DPYSL5: variants seen among roughly 807,000 people sequenced by gnomAD.
The protein encoded by DPYSL5 is dihydropyrimidinase like 5, also known as dihydropyrimidinase-related protein 5.
In DPYSL5, 9 loss-of-function variants were observed where a neutral mutation model predicts 58.4. The observed-to-expected ratio is 0.15, with a 90% CI of 0.09 to 0.27. DPYSL5 has a LOEUF of 0.27. Among genes scored for constraint, DPYSL5 ranks in the 10% least tolerant of loss-of-function variants. The probability of loss-of-function intolerance (pLI) is 1.00; values close to 1 mark genes in which losing one functional copy is unlikely to be tolerated. For synonymous variants in DPYSL5, 293 were observed against 301.9 expected (o/e 0.97, Z 0.31); for missense variants, 499 against 770.6 (o/e 0.65, Z 4.17).
At chr2:26,861,679 G>A (rs1666020988) in intron 1 of DPYSL5, among the ~76,000 whole-genome samples, 2 of 152,098 alleles carry the variant, frequency 1.3e-5, no homozygotes, top group Admixed American at 1.3e-4. Context: ...ATTTTGCCTT[G>A]TGTTTCAATT....
rs1001833291 is a variant in DPYSL5 at position 26,905,705 on chromosome 2, C to T, written c.261+6945C>T. Among the ~76,000 whole-genome samples, 1 of 152,308 alleles carries T rather than the reference C, an allele frequency of 6.6e-6. No individual in the cohort carries two copies. Among genetic ancestry groups the T allele is most frequent in the Non-Finnish European group, 1.5e-5 (1 of 68,026 alleles). Reference sequence around the variant, plus strand: ...TGTGAAGGCTTCATGAAGTGACTTCCCCTCCCCTGCCACCTGGAGGACATC... The same window carrying T: ...TGTGAAGGCTTCATGAAGTGACTTCTCCTCCCCTGCCACCTGGAGGACATC... On this transcript the variant is annotated intron_variant, in intron 2 of 12. Coordinates refer to ENST00000288699, the MANE Select transcript of DPYSL5 (RefSeq NM_020134.4). The surrounding 1 kb of genome is among the most constrained non-coding windows in gnomAD (Gnocchi z 4.0).
Position 26,905,466 on chromosome 2 carries a change from G to T in DPYSL5, c.261+6706G>T, listed in dbSNP as rs1043508187. Reference sequence around the variant, plus strand: ...CAATGAAATTGCTCCACTGTGCACCGAGTGCCCATGCTACCTGTGTCCCTG... The same window carrying T: ...CAATGAAATTGCTCCACTGTGCACCTAGTGCCCATGCTACCTGTGTCCCTG... On this transcript the variant is annotated intron_variant, in intron 2 of 12. Coordinates refer to ENST00000288699, the MANE Select transcript of DPYSL5 (RefSeq NM_020134.4). The surrounding 1 kb of genome is among the most constrained non-coding windows in gnomAD (Gnocchi z 4.0). 6.6e-6 allele frequency among the ~76,000 whole-genome samples: 1 copy of T among 152,132 alleles called. No homozygotes were observed. The highest frequency in any genetic ancestry group is 1.5e-5 in the Non-Finnish European group (1 of 68,024).
intron 1 of DPYSL5, among the ~76,000 whole-genome samples, chr2:26,891,073 G>C (rs911197215): frequency 6.6e-6 from 1 of 152,140 alleles, no homozygotes; most frequent in African/African-American, 2.4e-5. Flanking sequence ...GAACTGTCTG[G>C]CTTTCAATCT....
chr2:26,899,435 C>T (rs1301155675), intron 2 of DPYSL5, among the ~76,000 whole-genome samples: 2 of 152,182 alleles, frequency 1.3e-5, no homozygotes, highest in Admixed American at 6.5e-5. Context: ...GCTCCAACAC[C>T]TCTGTCATTG....
chr2:26,918,332 T>A (rs1255656148), intron 2 of DPYSL5, among the ~76,000 whole-genome samples: 1 of 152,110 alleles, frequency 6.6e-6, no homozygotes, highest in African/African-American at 2.4e-5. Context: ...CTTGATGAAA[T>A]GCTTGGACCC....
At chr2:26,864,225 A>T (rs1213912588) in intron 1 of DPYSL5, among the ~76,000 whole-genome samples, 3 of 152,248 alleles carry the variant, frequency 2.0e-5, no homozygotes, top group African/African-American at 7.2e-5. Context: ...AGCCTGGGCA[A>T]TGAATCCAGA....
At chr2:26,872,273 A>C (rs2148117908) in intron 1 of DPYSL5, among the ~76,000 whole-genome samples, 1 of 152,364 alleles carries the variant, frequency 6.6e-6, no homozygotes, top group South Asian at 2.1e-4. Flanking sequence ...TACCACTGCC[A>C]GCTAAAGGAT....
chr2:26,891,121 G>A (rs1041098590), intron 1 of DPYSL5, among the ~76,000 whole-genome samples: 6 of 152,106 alleles, frequency 3.9e-5, no homozygotes, highest in East Asian at 1.9e-4. Flanking sequence ...CCTTAAGGAC[G>A]TTCTTTTAAC....
intron 1 of DPYSL5, among the ~76,000 whole-genome samples, chr2:26,879,088 C>CA (rs1179639526): frequency 6.6e-6 from 1 of 152,194 alleles, no homozygotes; most frequent in African/African-American, 2.4e-5. Context: ...GCACCCAGTA[C>CA]AGTAACCCTG....
chr2:26,930,847 G>A lies in DPYSL5; in HGVS notation c.670-793G>A, dbSNP rs1287452900. 3.3e-5 allele frequency among the ~76,000 whole-genome samples: 5 copies of A among 151,892 alleles called. No homozygotes were observed. The South Asian group carries it at 8.3e-4, about 25-fold the overall frequency. Reference sequence around the variant, plus strand: ...AAATTAGTCGGGCATGGTGGTGGGCGCCTGTAGTCCCAGCTACGCGGGAGG... The same window carrying A: ...AAATTAGTCGGGCATGGTGGTGGGCACCTGTAGTCCCAGCTACGCGGGAGG... On this transcript the variant is annotated intron_variant, in intron 5 of 12. Coordinates refer to ENST00000288699, the MANE Select transcript of DPYSL5 (RefSeq NM_020134.4).
chr2:26,943,975 G>A (rs1665394061), intron 11 of DPYSL5, among the ~76,000 whole-genome samples: 1 of 152,088 alleles, frequency 6.6e-6, no homozygotes, highest in Non-Finnish European at 1.5e-5. Flanking sequence ...ATAACGTTGC[G>A]CTGTGTGGGA....
In DPYSL5 at chr2:26,898,216, A is replaced by C. The variant is rs761618767; in HGVS notation, c.-4-280A>C. ...TGAGAGATAGAAAATGAGATAGTAG[A>C]TGTGAAAGTGCTTTGGAGCTCACAT... On this transcript the variant is annotated intron_variant, in intron 1 of 12. Coordinates refer to ENST00000288699, the MANE Select transcript of DPYSL5 (RefSeq NM_020134.4). This position sits in a 1 kb window ranked among gnomAD's most constrained non-coding sequence, Gnocchi z 6.1. Among the ~76,000 whole-genome samples, 45 of 152,092 alleles carry C rather than the reference A, an allele frequency of 3.0e-4. No individual in the cohort carries two copies. Among genetic ancestry groups the C allele is most frequent in the Non-Finnish European group, 4.7e-4 (32 of 68,016 alleles).
At chr2:26,908,024 G>A (rs756679153) in intron 2 of DPYSL5, among the ~76,000 whole-genome samples, 19 of 152,190 alleles carry the variant, frequency 1.2e-4, no homozygotes, top group Non-Finnish European at 1.9e-4. Flanking sequence ...GCTATGTCAT[G>A]TGGGCAAGTT....
intron 2 of DPYSL5, among the ~76,000 whole-genome samples, chr2:26,906,309 G>GAGT (rs540729976): frequency 6.5e-4 from 99 of 151,470 alleles, no homozygotes; most frequent in African/African-American, 2.4e-3. Flanking sequence ...TCAGCCTCCT[G>GAGT]AGTAGCTGGG....
chr2:26,940,500 CT>C lies in DPYSL5; in HGVS notation c.1089+344del, dbSNP rs61122277. Among the ~76,000 whole-genome samples, 506 of 136,242 alleles carry C rather than the reference CT, an allele frequency of 3.7e-3. 2 individuals carry two copies. The highest frequency in any genetic ancestry group is 9.5e-3 in the African/African-American group (356 of 37,302). 89.4% of individuals were successfully genotyped at this position (136,242 alleles called of 152,430 possible). A position where few individuals can be genotyped will look rare whatever the true frequency, so the allele number is the denominator to read the frequency against. On this transcript the variant is annotated intron_variant, in intron 9 of 12. Transcript: ENST00000288699. The stretch of plus-strand genomic sequence containing the variant: ...CATTTAGTTCTGTGCATGTACTGTA[CT>C]TTTTTTTTTTTTTTTCCTTTTTTAC...
intron 2 of DPYSL5, among the ~76,000 whole-genome samples, chr2:26,906,487 A>T: frequency 6.6e-6 from 1 of 152,112 alleles, no homozygotes; most frequent in East Asian, 1.9e-4. Flanking sequence ...TGGCCAACCC[A>T]TACCTTTATG....
chr2:26,900,883 C>T (rs191285095), intron 2 of DPYSL5, among the ~76,000 whole-genome samples: 24 of 152,228 alleles, frequency 1.6e-4, no homozygotes, highest in South Asian at 6.2e-4. Flanking sequence ...ACCAGCCTCG[C>T]GGTGGGCAGA....
intron 12 of DPYSL5, among the ~76,000 whole-genome samples, chr2:26,945,130 C>T (rs951225897): frequency 6.6e-6 from 1 of 151,970 alleles, no homozygotes; most frequent in African/African-American, 2.4e-5. Flanking sequence ...GTGGGTGCTC[C>T]AGAGATGCCC....
intron 2 of DPYSL5, among the ~76,000 whole-genome samples, chr2:26,923,790 A>G (rs1664760735): frequency 2.0e-5 from 3 of 152,028 alleles, no homozygotes; most frequent in Non-Finnish European, 4.4e-5. Flanking sequence ...CCTCCCAAGT[A>G]GTTGTGATTA....
Sources: gnomAD v4.1 joint callset for allele counts (sites outside exome capture counted in the v4.1 genomes callset) on GRCh38, gnomAD v4.1.1 for gene constraint, Gnocchi (gnomAD v3.1) non-coding constraint, MANE v1.5 for transcripts, NCBI Gene and HGNC (gene_info 2026-07-23, HGNC 2026-07-21) for gene names.